Variants in ADAMTS18 observed in about 807,000 individuals in gnomAD.
ADAMTS18 encodes A disintegrin and metalloproteinase with thrombospondin motifs 18.
ADAMTS18 carries 157 observed loss-of-function variants against 165.9 expected under a neutral mutation model. The ratio of observed to expected loss-of-function variants is 0.95; its 90% CI spans 0.83 to 1.08. The LOEUF is 1.08. Ranked by LOEUF, ADAMTS18 falls within the 50% of genes least tolerant of loss-of-function variation. ADAMTS18 has a pLI of 0.00. For synonymous variants in ADAMTS18, 782 were observed against 578.2 expected, an observed-to-expected ratio of 1.35 and a Z score of -5.06; for missense variants, 2,040 against 1,534.0, an observed-to-expected ratio of 1.33 and a Z score of -5.51.
At chr16:77,393,315 G>A (rs1243911290) in intron 3 of ADAMTS18, among the ~76,000 whole-genome samples, 1 of 152,164 alleles carries the variant, frequency 6.6e-6, no homozygotes, top group Non-Finnish European at 1.5e-5. Flanking sequence ...GCTGCCTGAG[G>A]GTTTGCATTC....
chr16:77,353,229 T>A (rs942988262), intron 10 of ADAMTS18, among the ~76,000 whole-genome samples: 1 of 152,224 alleles, frequency 6.6e-6, no homozygotes, highest in African/African-American at 2.4e-5. Context: ...CCAATTATCT[T>A]TTTTATAATT....
At chr16:77,353,642 G>A (rs1431107354) in intron 10 of ADAMTS18, 91 bp downstream of exon 10, 3 of 1,568,010 alleles carry the variant, frequency 1.9e-6, no homozygotes, top group Non-Finnish European at 2.6e-6. Flanking sequence ...CCTAACCCTT[G>A]GCCTTGGCAA....
rs534988939 is a variant in ADAMTS18 at position 77,393,861 on chromosome 16, C to G, written c.496-26138G>C. On this transcript the variant is annotated intron_variant, in intron 3 of 22. Transcript: ENST00000282849. Reference sequence around the variant, plus strand: ...GTCGACTCTTGGCTGTAGGTCCATTCTTTCTTCAACTGTCCTTTGACAAAC... The same window carrying G: ...GTCGACTCTTGGCTGTAGGTCCATTGTTTCTTCAACTGTCCTTTGACAAAC... Among the ~76,000 whole-genome samples, 351 of 152,340 alleles carry G rather than the reference C, an allele frequency of 2.3e-3. 1 individual carries two copies. Among genetic ancestry groups the G allele is most frequent in the African/African-American group, 7.9e-3 (328 of 41,580 alleles).
intron 3 of ADAMTS18, among the ~76,000 whole-genome samples, chr16:77,409,828 A>G (rs1482648826): frequency 1.3e-5 from 2 of 152,202 alleles, no homozygotes; most frequent in Non-Finnish European, 2.9e-5. Flanking sequence ...AAAGAAAAAA[A>G]AAGGCACCAA....
chr16:77,283,864 C>T lies in ADAMTS18; in HGVS notation c.*92G>A, dbSNP rs553701978. 771 of 983,550 alleles carry T rather than the reference C, an allele frequency of 7.8e-4. 8 individuals carry two copies. In the South Asian group the frequency reaches 9.3e-3, roughly 12 times the overall value. 60.9% of individuals were successfully genotyped at this position (983,550 alleles called of 1,614,324 possible). On this transcript the variant is annotated 3_prime_UTR_variant, in exon 23 of 23. Transcript: ENST00000282849. ...ACAGCGGCAGCTCACAGATGGTTCT[C>T]GGTGCTCAGCTCCTGGTCTCAAAGG...
In ADAMTS18 at chr16:77,291,496, A is replaced by ATGTCT. The variant is rs771400120; in HGVS notation, c.3190-19_3190-18insAGACA. The ATGTCT allele has an allele frequency of 2.0e-5, 32 of 1,613,006 alleles. No homozygotes were observed. The highest frequency in any genetic ancestry group is 2.7e-5 in the Non-Finnish European group (32 of 1,179,162). On this transcript the variant is annotated intron_variant, in intron 20 of 22. Transcript: ENST00000282849. Reference sequence around the variant, plus strand: ...GCAGAACACTAGGAGCCAAGACAGGATGTGTAAAAGTGAAGACTGCCAGGA... The same window carrying ATGTCT: ...GCAGAACACTAGGAGCCAAGACAGGATGTCTTGTGTAAAAGTGAAGACTGCCAGGA...
chr16:77,389,078 T>C (rs78318418), intron 3 of ADAMTS18, among the ~76,000 whole-genome samples: 2 of 152,136 alleles, frequency 1.3e-5, no homozygotes, highest in African/African-American at 2.4e-5. Context: ...GGTTGGTGGA[T>C]AGTTTCAGCT....
chr16:77,418,979 T>A (rs2057565761), intron 3 of ADAMTS18, among the ~76,000 whole-genome samples: 1 of 152,052 alleles, frequency 6.6e-6, no homozygotes, highest in South Asian at 2.1e-4. Flanking sequence ...TGAAACACCG[T>A]CTCTACTAAA....
chr16:77,377,840 C>T (rs564932755), intron 3 of ADAMTS18, among the ~76,000 whole-genome samples: 2 of 152,084 alleles, frequency 1.3e-5, no homozygotes, highest in South Asian at 4.2e-4. Flanking sequence ...ACAAGAATAG[C>T]CCCAAATGAG....
intron 12 of ADAMTS18, among the ~76,000 whole-genome samples, chr16:77,332,410 T>G (rs529452618): frequency 8.1e-4 from 124 of 152,192 alleles, no homozygotes; most frequent in African/African-American, 2.9e-3. Flanking sequence ...ACCACACAGA[T>G]CCCAGAACCT....
At chr16:77,382,064 T>C (rs1402220949) in intron 3 of ADAMTS18, among the ~76,000 whole-genome samples, 1 of 152,176 alleles carries the variant, frequency 6.6e-6, no homozygotes, top group African/African-American at 2.4e-5. Context: ...CTACTCTGCC[T>C]TGCAACAGCC....
chr16:77,287,430 C>G (rs548928137), intron 22 of ADAMTS18, among the ~76,000 whole-genome samples: 10 of 152,066 alleles, frequency 6.6e-5, no homozygotes, highest in Non-Finnish European at 8.8e-5. Context: ...CACGTGGGCT[C>G]GTATCCTTTA....
chr16:77,345,645 T>A (rs934644950), intron 10 of ADAMTS18, among the ~76,000 whole-genome samples: 9 of 152,220 alleles, frequency 5.9e-5, no homozygotes, highest in Non-Finnish European at 1.3e-4. Context: ...ACATGTGGCT[T>A]GTTAAACCTG....
At chr16:77,315,281 C>G (rs2055867020) in intron 16 of ADAMTS18, among the ~76,000 whole-genome samples, 1 of 152,160 alleles carries the variant, frequency 6.6e-6, no homozygotes, top group African/African-American at 2.4e-5. Context: ...GTGGGTTTCT[C>G]TGATTGCCTC....
At position 77,289,247 on chromosome 16, in the gene ADAMTS18, G is replaced by T. The variant is rs755902824; in HGVS notation, c.3550+17C>A. 7 of 1,614,004 alleles carry T rather than the reference G, an allele frequency of 4.3e-6. No homozygotes were observed. The highest frequency in any genetic ancestry group is 4.2e-6 in the Non-Finnish European group (5 of 1,179,874). ...CTAAAGACTAGTAAAGTTGACTGGAGCATGGTGCCTTTTTACCTCTCTTTT... is the reference window on the plus strand; with the variant it reads ...CTAAAGACTAGTAAAGTTGACTGGATCATGGTGCCTTTTTACCTCTCTTTT... On this transcript the variant is annotated intron_variant, in intron 22 of 22. Coordinates refer to ENST00000282849, the MANE Select transcript of ADAMTS18 (RefSeq NM_199355.4).
chr16:77,356,072 C>G lies in ADAMTS18; in HGVS notation c.1328G>C (p.Gly443Ala). 8 of 1,613,990 alleles carry G rather than the reference C, an allele frequency of 5.0e-6. No individual in the cohort carries two copies. Among genetic ancestry groups the G allele is most frequent in the Non-Finnish European group, 6.8e-6 (8 of 1,179,938 alleles). Residue 443 changes from glycine to alanine, a missense_variant, in exon 9 of 23, where the codon GGT becomes GCT. Transcript: ENST00000282849. The stretch of plus-strand genomic sequence containing the variant: ...ATTCCCTTCTCCATCGTGAATCATA[C>G]CAAAGCTGAAACAGAATGAAGAAAA... ...TIAHESGHNF[G>A]MIHDGEGNPC...
intron 7 of ADAMTS18, 125 bp from the exon 8 acceptor site, chr16:77,359,548 GGAA>G (rs143941492): frequency 0.11 from 68,632 of 618,896 alleles, 1,375 homozygotes; most frequent in East Asian, 0.23. Flanking sequence ...CAGTGTTTTT[GGAA>G]AAAAAAAAAA....
chr16:77,300,738 T>C (rs1447851060), intron 16 of ADAMTS18, among the ~76,000 whole-genome samples: 1 of 152,136 alleles, frequency 6.6e-6, no homozygotes, highest in Non-Finnish European at 1.5e-5. Context: ...AGAAAGGTTA[T>C]ACTGTTGGGT....
Position 77,349,524 on chromosome 16 carries a change from TA to T in ADAMTS18, c.1614+4208del, listed in dbSNP as rs767997537. ...CCCCATTTGTTTATGTCATCTTATGTAAAAAAAAAAAAAAAAAAAAAAAAGC... is the reference window on the plus strand; with the variant it reads ...CCCCATTTGTTTATGTCATCTTATGTAAAAAAAAAAAAAAAAAAAAAAAGC... On this transcript the variant is annotated intron_variant, in intron 10 of 22. Transcript: ENST00000282849. 7.2e-3 allele frequency among the ~76,000 whole-genome samples: 518 copies of T among 71,526 alleles called. 1 individual carries two copies. Among genetic ancestry groups the T allele is most frequent in the Non-Finnish European group, 9.9e-3 (394 of 39,920 alleles). The allele number at this position is 71,526 out of a possible 152,430, so 46.9% of individuals were successfully genotyped here.
Sources: allele counts gnomAD v4.1 joint callset (sites outside exome capture counted in the v4.1 genomes callset), GRCh38; gene constraint gnomAD v4.1.1; transcripts MANE v1.5; gene names NCBI Gene and HGNC (gene_info 2026-07-23, HGNC 2026-07-21).